The following SLC37A3 variants were observed in gnomAD, a reference collection of about 807,000 sequenced individuals.
SLC37A3 encodes sugar phosphate exchanger 3.
A neutral mutation model predicts 67.1 loss-of-function variants in SLC37A3; 51 were observed. The observed-to-expected ratio is 0.76, with a 90% CI of 0.61 to 0.96. The LOEUF (loss-of-function observed/expected upper bound fraction) is 0.96. Ranked by LOEUF, SLC37A3 falls within the 40% of genes least tolerant of loss-of-function variation. SLC37A3 has a pLI of 0.00. For missense variants in SLC37A3, 508 were observed against 603.0 expected, an observed-to-expected ratio of 0.84 and a Z score of 1.65; for synonymous variants, 214 against 231.4, an observed-to-expected ratio of 0.92 and a Z score of 0.68.
chr7:140,356,817 C>T (rs563481514), intron 6 of SLC37A3, among the ~76,000 whole-genome samples: 2 of 152,172 alleles, frequency 1.3e-5, no homozygotes, highest in Non-Finnish European at 2.9e-5. Flanking sequence ...ACACCAAGCA[C>T]GCCAAGTGTT....
chr7:140,354,196 T>C (rs908236947), intron 7 of SLC37A3, among the ~76,000 whole-genome samples: 3 of 152,240 alleles, frequency 2.0e-5, no homozygotes, highest in African/African-American at 7.2e-5. Flanking sequence ...AAGAATCTTG[T>C]AGATGCATCA....
chr7:140,367,770 G>A (rs1042809855), intron 4 of SLC37A3, among the ~76,000 whole-genome samples: 1 of 149,564 alleles, frequency 6.7e-6, no homozygotes, highest in African/African-American at 2.5e-5. Flanking sequence ...ATTACTCCTC[G>A]CCACCGTGGA....
intron 1 of SLC37A3, among the ~76,000 whole-genome samples, chr7:140,389,598 T>C (rs781387163): frequency 5.9e-5 from 9 of 152,302 alleles, no homozygotes; most frequent in South Asian, 2.1e-4. Flanking sequence ...TGTTTTGCCA[T>C]TGCAGTTCCC....
intron 1 of SLC37A3, chr7:140,386,924 G>A (rs887349006): frequency 2.6e-5 from 4 of 151,992 alleles, no homozygotes; most frequent in Non-Finnish European, 5.9e-5. Context: ...AATGAATACT[G>A]AATACACAAT....
chr7:140,385,300 C>T (rs1366635943), intron 1 of SLC37A3, among the ~76,000 whole-genome samples: 3 of 152,060 alleles, frequency 2.0e-5, no homozygotes, highest in Admixed American at 6.6e-5. Context: ...CTATAAAATT[C>T]CACTCACAAA....
At chr7:140,374,453 C>T (rs1364955201) in intron 3 of SLC37A3, among the ~76,000 whole-genome samples, 7 of 150,218 alleles carry the variant, frequency 4.7e-5, no homozygotes, top group African/African-American at 1.5e-4. Context: ...GCTGAGATCG[C>T]GCCACTGTAC....
intron 11 of SLC37A3, 57 bp downstream of exon 11, chr7:140,345,812 C>T: frequency 1.4e-6 from 2 of 1,391,530 alleles, no homozygotes; most frequent in Non-Finnish European, 2.0e-6. Context: ...AAACAAATGC[C>T]TTATTCCAAC....
intron 13 of SLC37A3, among the ~76,000 whole-genome samples, chr7:140,338,912 C>T (rs548511052): frequency 4.0e-5 from 6 of 151,564 alleles, no homozygotes; most frequent in African/African-American, 1.2e-4. Flanking sequence ...GTGCCACCCC[C>T]CGCCCAGCTA....
At chr7:140,383,015 G>C (rs1241715157) in intron 1 of SLC37A3, among the ~76,000 whole-genome samples, 1 of 152,074 alleles carries the variant, frequency 6.6e-6, no homozygotes, top group Non-Finnish European at 1.5e-5. Flanking sequence ...GCAGCTCAGG[G>C]TATAATGGTT....
At chr7:140,362,439 C>T (rs1028731278) in intron 5 of SLC37A3, among the ~76,000 whole-genome samples, 12 of 143,898 alleles carry the variant, frequency 8.3e-5, no homozygotes, top group Admixed American at 1.4e-4. Context: ...GTCAGCCCCC[C>T]GCCCGGCCAG....
chr7:140,354,398 A>G (rs1265232921), intron 7 of SLC37A3, among the ~76,000 whole-genome samples: 3 of 150,630 alleles, frequency 2.0e-5, no homozygotes, highest in South Asian at 4.2e-4. Flanking sequence ...AAACTTTTGG[A>G]TTTTTAGTCT....
intron 1 of SLC37A3, among the ~76,000 whole-genome samples, chr7:140,386,628 C>T (rs1798462915): frequency 6.6e-6 from 1 of 152,098 alleles, no homozygotes; most frequent in Non-Finnish European, 1.5e-5. Context: ...TCTAAATACA[C>T]ACTGAACAAA....
intron 3 of SLC37A3, among the ~76,000 whole-genome samples, chr7:140,370,131 AAAAG>A (rs1395119573): frequency 2.9e-5 from 4 of 137,854 alleles, no homozygotes; most frequent in African/African-American, 8.3e-5. Context: ...AAAAGAAAAG[AAAAG>A]AAAGAAATAA....
In SLC37A3 at chr7:140,383,628, A is replaced by C. The variant is rs1176692272; in HGVS notation, c.-70-1032T>G. Reference sequence around the variant, plus strand: ...GAAAAAATTTGTGTCAAAGAAACAGAGAAAGAGGTCAGGCCACCCCTTGCC... The same window carrying C: ...GAAAAAATTTGTGTCAAAGAAACAGCGAAAGAGGTCAGGCCACCCCTTGCC... On this transcript the variant is annotated intron_variant, in intron 1 of 14. Coordinates refer to ENST00000326232, the MANE Select transcript of SLC37A3 (RefSeq NM_207113.3). Among the ~76,000 whole-genome samples, 6 of 152,036 alleles carry C rather than the reference A, an allele frequency of 3.9e-5. No homozygotes were observed. The East Asian group carries it at 1.2e-3, about 29-fold the overall frequency.
intron 13 of SLC37A3, chr7:140,337,634 C>G (rs1264799268): frequency 8.1e-6 from 2 of 248,430 alleles, no homozygotes; most frequent in Non-Finnish European, 1.5e-5. Context: ...ATCCGCAAGC[C>G]ACTCCCATTT....
At chr7:140,375,061 G>A (rs1270241825) in intron 3 of SLC37A3, among the ~76,000 whole-genome samples, 3 of 31,198 alleles carry the variant, frequency 9.6e-5, no homozygotes, top group Admixed American at 2.5e-4. Context: ...CAGAAGAATC[G>A]AAGAATCGCT....
chr7:140,359,470 C>T (rs141048453), intron 5 of SLC37A3, among the ~76,000 whole-genome samples: 2,745 of 152,308 alleles, frequency 0.018, 40 homozygotes, highest in Middle Eastern at 0.034. Context: ...CCCAGGGAGG[C>T]CACCTTTCCC....
chr7:140,369,133 C>A (rs1005383068), intron 4 of SLC37A3, among the ~76,000 whole-genome samples: 1 of 152,122 alleles, frequency 6.6e-6, no homozygotes, highest in African/African-American at 2.4e-5. Flanking sequence ...CCAAGCACAC[C>A]GACTCGCTCA....
At position 140,364,404 on chromosome 7, in the gene SLC37A3, T is replaced by C; in HGVS notation, c.375+4A>G. ...AATAATAATAATAAGACCTTTCAAC[T>C]TACCACTAATGCAGAAGAGCACATG... On this transcript the variant is annotated splice_donor_region_variant and intron_variant, in intron 5 of 14. Transcript: ENST00000326232. 2 of 1,612,024 alleles carry C rather than the reference T, an allele frequency of 1.2e-6. No homozygotes were observed. The highest frequency in any genetic ancestry group is 1.7e-6 in the Non-Finnish European group (2 of 1,179,120).
Sources: allele counts gnomAD v4.1 joint callset (sites outside exome capture counted in the v4.1 genomes callset), GRCh38; gene constraint gnomAD v4.1.1; transcripts MANE v1.5; gene names NCBI Gene and HGNC (gene_info 2026-07-23, HGNC 2026-07-21).